Variants in EYS observed in about 807,000 individuals in gnomAD.
The protein encoded by EYS is protein eyes shut homolog.
EYS carries 250 observed loss-of-function variants against 282.1 expected under a neutral mutation model. That is an observed-to-expected ratio of 0.89 (90% confidence interval 0.80 to 0.98). The LOEUF is 0.98. Among genes scored for constraint, EYS ranks in the 50% least tolerant of loss-of-function variants. The pLI, the probability that EYS is intolerant of heterozygous loss-of-function variation, is 0.00. For missense variants in EYS, 4,016 were observed against 3,709.0 expected (o/e 1.08, Z -2.15); for synonymous variants, 1,355 against 1,282.9 (o/e 1.06, Z -1.20).
chr6:65,458,727 G>A (rs544476769), intron 5 of EYS, among the ~76,000 whole-genome samples: 9 of 152,160 alleles, frequency 5.9e-5, no homozygotes, highest in African/African-American at 2.2e-4. Context: ...TAAGCTACCT[G>A]TTTATATTTG....
rs201273314 is a variant in EYS at position 65,424,266 on chromosome 6, AT to A, written c.863-18900del. Among the ~76,000 whole-genome samples, 42 of 151,260 alleles carry A rather than the reference AT, an allele frequency of 2.8e-4. No homozygotes were observed. The East Asian group carries it at 7.4e-3, about 27-fold the overall frequency. ...TATGTTCCCTAGCAATTTTATTTCT[AT>A]TTTTTTCTTTCTTTTCCTCATATAA... is the stretch of plus-strand genomic sequence containing the variant. On this transcript the variant is annotated intron_variant, in intron 5 of 42. Transcript: ENST00000503581.
chr6:64,895,237 T>A (rs939907237), intron 18 of EYS, among the ~76,000 whole-genome samples: 1 of 152,196 alleles, frequency 6.6e-6, no homozygotes, highest in South Asian at 2.1e-4. Context: ...ATTCTAAAGG[T>A]TGGATCTCTA....
intron 31 of EYS, among the ~76,000 whole-genome samples, chr6:64,189,077 C>T (rs1326701568): frequency 6.6e-6 from 1 of 152,162 alleles, no homozygotes; most frequent in Non-Finnish European, 1.5e-5. Flanking sequence ...TCCCTTATCA[C>T]TTTCCCACTA....
intron 35 of EYS, among the ~76,000 whole-genome samples, chr6:63,879,499 T>C (rs1773071095): frequency 6.6e-6 from 1 of 152,176 alleles, no homozygotes; most frequent in South Asian, 2.1e-4. Flanking sequence ...AAGTTTGCAC[T>C]AAAAGCTTTT....
At chr6:65,219,119 G>T (rs1393034625) in intron 12 of EYS, among the ~76,000 whole-genome samples, 1 of 151,904 alleles carries the variant, frequency 6.6e-6, no homozygotes, top group East Asian at 1.9e-4. Context: ...TATTTTAGGG[G>T]GCTCATAATC....
At chr6:64,282,490 T>G (rs1768343101) in intron 30 of EYS, among the ~76,000 whole-genome samples, 1 of 152,168 alleles carries the variant, frequency 6.6e-6, no homozygotes, top group South Asian at 2.1e-4. Context: ...TAGAATCAAC[T>G]TAGAATCAAT....
chr6:63,724,236 C>G (rs548874996), intron 42 of EYS, among the ~76,000 whole-genome samples: 52 of 152,246 alleles, frequency 3.4e-4, no homozygotes, highest in African/African-American at 1.2e-3. Flanking sequence ...TGAGGCTTCT[C>G]CCACCTTTGT....
chr6:64,724,606 A>G lies in EYS; in HGVS notation c.3443+88772T>C, dbSNP rs1195333519. On this transcript the variant is annotated intron_variant, in intron 22 of 42. Coordinates refer to ENST00000503581, the MANE Select transcript of EYS (RefSeq NM_001142800.2). Reference sequence around the variant, plus strand: ...AGTCAGATTTATTTTGAAATTTCACATGCTAACACAAAGCATTAATGTTGA... The same window carrying G: ...AGTCAGATTTATTTTGAAATTTCACGTGCTAACACAAAGCATTAATGTTGA... 4.6e-5 allele frequency among the ~76,000 whole-genome samples: 7 copies of G among 152,226 alleles called. No individual in the cohort carries two copies. In the South Asian group the frequency reaches 1.4e-3, roughly 31 times the overall value.
chr6:65,491,907 T>C lies in EYS; in HGVS notation c.749-1200A>G, dbSNP rs931843983. Among the ~76,000 whole-genome samples the C allele has an allele frequency of 2.0e-5, 3 of 152,018 alleles. No homozygotes were observed. In the East Asian group the frequency reaches 5.8e-4, roughly 29 times the overall value. On this transcript the variant is annotated intron_variant, in intron 4 of 42. Coordinates refer to ENST00000503581, the MANE Select transcript of EYS (RefSeq NM_001142800.2). ...TGGTGTGCTTTCAAGAGGAGAACAT[T>C]TACACACAGATACATACAGAGAAAT... is the stretch of plus-strand genomic sequence containing the variant.
intron 30 of EYS, among the ~76,000 whole-genome samples, chr6:64,266,406 C>A (rs1231709549): frequency 1.3e-5 from 2 of 151,866 alleles, no homozygotes; most frequent in African/African-American, 4.8e-5. Flanking sequence ...ACTAAAAAAA[C>A]CCGAGTGAGT....
At chr6:63,814,538 G>GAACA (rs150639266) in intron 36 of EYS, among the ~76,000 whole-genome samples, 1 of 152,056 alleles carries the variant, frequency 6.6e-6, no homozygotes, top group Non-Finnish European at 1.5e-5. Flanking sequence ...AAAAAGCTAA[G>GAACA]AACAAACAGA....
chr6:64,152,429 T>C (rs1185384644), intron 31 of EYS, among the ~76,000 whole-genome samples: 3 of 152,190 alleles, frequency 2.0e-5, no homozygotes, highest in African/African-American at 7.2e-5. Context: ...TGCATCTGTC[T>C]TGTGTTCAGT....
chr6:64,028,192 A>G (rs946231706), intron 33 of EYS, among the ~76,000 whole-genome samples: 14 of 152,160 alleles, frequency 9.2e-5, no homozygotes, highest in African/African-American at 2.7e-4. Context: ...GAGGGAATCA[A>G]TCCTGAAGTC....
At chr6:64,431,896 G>C (rs1774585999) in intron 28 of EYS, among the ~76,000 whole-genome samples, 1 of 152,070 alleles carries the variant, frequency 6.6e-6, no homozygotes, top group Admixed American at 6.6e-5. Context: ...CATCACTTGA[G>C]AAAATATCTG....
At chr6:63,883,264 T>G (rs1477435740) in intron 35 of EYS, among the ~76,000 whole-genome samples, 1 of 152,222 alleles carries the variant, frequency 6.6e-6, no homozygotes, top group Non-Finnish European at 1.5e-5. Context: ...ACTCTCTCAC[T>G]GTGCTCTTGC....
rs551135623 is a variant in EYS at position 64,340,446 on chromosome 6, G to A, written c.6079-33364C>T. Among the ~76,000 whole-genome samples, 4 of 151,674 alleles carry A rather than the reference G, an allele frequency of 2.6e-5. No homozygotes were observed. The East Asian group carries it at 7.8e-4, about 29-fold the overall frequency. On this transcript the variant is annotated intron_variant, in intron 29 of 42. Transcript: ENST00000503581. Reference sequence around the variant, plus strand: ...CCTACAACCAACTGATTTTTAACAAGACCAACAAAAATGAGCAATGGAGAA... The same window carrying A: ...CCTACAACCAACTGATTTTTAACAAAACCAACAAAAATGAGCAATGGAGAA...
chr6:64,505,353 C>T (rs1048065441), intron 26 of EYS, among the ~76,000 whole-genome samples: 2 of 152,054 alleles, frequency 1.3e-5, no homozygotes, highest in Admixed American at 6.6e-5. Flanking sequence ...TATCATAGGC[C>T]ACCTCAAATA....
At chr6:64,191,861 G>A (rs1467097171) in intron 31 of EYS, among the ~76,000 whole-genome samples, 1 of 151,038 alleles carries the variant, frequency 6.6e-6, no homozygotes, top group African/African-American at 2.4e-5. Flanking sequence ...GGATGGCTGG[G>A]TCAAATGGTA....
At chr6:65,108,775 A>T (rs1266919677) in intron 12 of EYS, among the ~76,000 whole-genome samples, 1 of 152,050 alleles carries the variant, frequency 6.6e-6, no homozygotes, top group Admixed American at 6.6e-5. Flanking sequence ...TTCATATATA[A>T]TTTTTTCTGC....
Sources: gnomAD v4.1 joint callset for allele counts (sites outside exome capture counted in the v4.1 genomes callset) on GRCh38, gnomAD v4.1.1 for gene constraint, MANE v1.5 for transcripts, NCBI Gene and HGNC (gene_info 2026-07-23, HGNC 2026-07-21) for gene names.